Variants in SSPN observed in about 807,000 individuals in gnomAD.
SSPN encodes the protein K-ras oncogene-associated protein.
Under a neutral mutation model 19.1 loss-of-function variants are expected in SSPN, and 15 were observed. The observed-to-expected ratio is 0.78, with a 90% confidence interval of 0.52 to 1.21. The LOEUF is 1.21. SSPN is among the 50% of genes most tolerant of loss of function. The probability of loss-of-function intolerance (pLI) is 0.00; values close to 1 mark genes in which losing one functional copy is unlikely to be tolerated. For missense variants in SSPN, 291 were observed against 314.0 expected, an observed-to-expected ratio of 0.93 and a Z score of 0.55; for synonymous variants, 147 against 140.3, an observed-to-expected ratio of 1.05 and a Z score of -0.34.
rs59727119 is a variant in SSPN at position 26,201,046 on chromosome 12, T to TAAAA, written c.279+5095_279+5096insAAAA. Among the ~76,000 whole-genome samples the TAAAA allele has an allele frequency of 5.2e-3, 400 of 77,186 alleles. 4 individuals are homozygous for TAAAA. The highest frequency in any genetic ancestry group is 0.025 in the Middle Eastern group (3 of 120). 50.6% of individuals were successfully genotyped at this position (77,186 alleles called of 152,430 possible). On this transcript the variant is annotated intron_variant, in intron 1 of 2. Coordinates refer to ENST00000242729, the MANE Select transcript of SSPN (RefSeq NM_005086.5). Reference sequence around the variant, plus strand: ...ATATATATATATATATATATATATATTATATATATATATTTGGAAATAAAA... The same window carrying TAAAA: ...ATATATATATATATATATATATATATAAAATATATATATATATTTGGAAATAAAA...
chr12:26,135,268 G>A (rs933377308), intron 1 of SSPN, among the ~76,000 whole-genome samples: 1 of 152,110 alleles, frequency 6.6e-6, no homozygotes, highest in African/African-American at 2.4e-5. Context: ...GATCACAGGA[G>A]GGGGTCCTGG....
chr12:26,206,045 AAG>A (rs764818975), intron 1 of SSPN, among the ~76,000 whole-genome samples: 1 of 152,186 alleles, frequency 6.6e-6, no homozygotes, highest in African/African-American at 2.4e-5. Flanking sequence ...ACCCTCAAGA[AAG>A]AATTCTTCTT....
intron 1 of SSPN, among the ~76,000 whole-genome samples, chr12:26,219,177 A>T (rs1219190971): frequency 6.6e-6 from 1 of 152,230 alleles, no homozygotes; most frequent in East Asian, 1.9e-4. Flanking sequence ...TGACAACAAA[A>T]AGAAGAAAAC....
At position 26,230,793 on chromosome 12, in the gene SSPN, TCA is replaced by T. The variant is rs767747829; in HGVS notation, c.454_455del (p.Gln152ValfsTer4). The T allele has an allele frequency of 1.2e-6, 2 of 1,614,238 alleles. No individual in the cohort carries two copies. Among genetic ancestry groups the T allele is most frequent in the Non-Finnish European group, 8.5e-7 (1 of 1,180,038 alleles). ...TTTGCCGCCCACCACTATTCGCAGC[TCA>T]CACAGTTTACCTGTGAGACCACACT... On this transcript the variant is annotated frameshift_variant, in exon 3 of 3. Coordinates refer to ENST00000242729, the MANE Select transcript of SSPN (RefSeq NM_005086.5). LOFTEE classifies it high-confidence loss of function.
At chr12:26,146,053 T>C (rs1944488446) in intron 1 of SSPN, among the ~76,000 whole-genome samples, 2 of 152,206 alleles carry the variant, frequency 1.3e-5, no homozygotes, top group Admixed American at 6.5e-5. Context: ...TTTCCTGATG[T>C]TGGCTAAATG....
chr12:26,145,676 A>G (rs543990777), intron 1 of SSPN, among the ~76,000 whole-genome samples: 3 of 152,302 alleles, frequency 2.0e-5, no homozygotes, highest in Admixed American at 2.0e-4. Flanking sequence ...GGACATGGGC[A>G]TGCAGTTCCG....
chr12:26,174,158 T>C lies in SSPN; in HGVS notation c.-30-50135T>C, dbSNP rs182045377. Among the ~76,000 whole-genome samples the C allele has an allele frequency of 1.5e-4, 23 of 152,268 alleles. No individual in the cohort carries two copies. In the East Asian group the frequency reaches 4.1e-3, roughly 27 times the overall value. ...GTGAAAAATAAATCAGGAAACTTCT[T>C]TGCGGTAGCCATGAGAAATGTTAGG... On this transcript the variant is annotated intron_variant, in intron 1 of 2. Coordinates refer to the SSPN transcript ENST00000538142.
chr12:26,132,658 T>C (rs976966915), intron 1 of SSPN, among the ~76,000 whole-genome samples: 3 of 152,210 alleles, frequency 2.0e-5, no homozygotes, highest in Non-Finnish European at 4.4e-5. Flanking sequence ...TCCCTGATGG[T>C]GGGGATGCCT....
At chr12:26,189,145 T>C (rs1944772515) in intron 1 of SSPN, among the ~76,000 whole-genome samples, 1 of 152,308 alleles carries the variant, frequency 6.6e-6, no homozygotes, top group Admixed American at 6.5e-5. Context: ...TCATAGCCTA[T>C]AAAGATACAT....
chr12:26,181,613 C>A (rs1944719068), intron 1 of SSPN, among the ~76,000 whole-genome samples: 1 of 152,140 alleles, frequency 6.6e-6, no homozygotes, highest in South Asian at 2.1e-4. Flanking sequence ...TGAAAACAGA[C>A]ACCAATTATG....
At chr12:26,130,149 G>A (rs909037515) in intron 1 of SSPN, among the ~76,000 whole-genome samples, 1 of 152,144 alleles carries the variant, frequency 6.6e-6, no homozygotes, top group Non-Finnish European at 1.5e-5. Flanking sequence ...CCATTTCTCT[G>A]GAGTCTGGAC....
chr12:26,191,231 A>C (rs1205699296), upstream of SSPN, among the ~76,000 whole-genome samples: 4 of 152,250 alleles, frequency 2.6e-5, no homozygotes, highest in Admixed American at 2.6e-4. Flanking sequence ...TCAAAATTAC[A>C]TGTAGAAAAA....
At chr12:26,201,467 T>C (rs1317405259) in intron 1 of SSPN, among the ~76,000 whole-genome samples, 1 of 152,168 alleles carries the variant, frequency 6.6e-6, no homozygotes, top group Non-Finnish European at 1.5e-5. Context: ...AGGTTAAGAT[T>C]GAACAAAATC....
intron 2 of SSPN, among the ~76,000 whole-genome samples, chr12:26,228,431 G>A (rs1489223896): frequency 6.6e-6 from 1 of 151,922 alleles, no homozygotes; most frequent in Non-Finnish European, 1.5e-5. Context: ...AGGTAGGAAG[G>A]TTATCACAAG....
chr12:26,207,819 C>T lies in SSPN; in HGVS notation c.279+11868C>T, dbSNP rs186855343. ...AAGCCTGGGCAACATGGCAAAACCC[C>T]GTCTCTACAAAAAATACTTTTTGTA... On this transcript the variant is annotated intron_variant, in intron 1 of 2. Transcript: ENST00000242729. 6.6e-5 allele frequency among the ~76,000 whole-genome samples: 10 copies of T among 152,056 alleles called. No individual in the cohort carries two copies. The East Asian group carries it at 1.4e-3, about 21-fold the overall frequency.
chr12:26,142,241 A>G (rs1944464796), intron 1 of SSPN, among the ~76,000 whole-genome samples: 1 of 152,186 alleles, frequency 6.6e-6, no homozygotes. Context: ...GCATCGTAGA[A>G]AATGTATTCT....
chr12:26,129,133 C>G (rs2137395322), intron 1 of SSPN, among the ~76,000 whole-genome samples: 1 of 152,306 alleles, frequency 6.6e-6, no homozygotes, highest in Admixed American at 6.5e-5. Context: ...TCCAAACTAA[C>G]TGTACATCTC....
intron 1 of SSPN, among the ~76,000 whole-genome samples, chr12:26,147,563 G>A (rs771532395): frequency 6.6e-6 from 1 of 152,082 alleles, no homozygotes; most frequent in Admixed American, 6.6e-5. Context: ...GAGCCACCAC[G>A]CCCAGCCCAG....
chr12:26,145,677 T>C lies in SSPN; in HGVS notation c.-31+23525T>C, dbSNP rs117960427. On this transcript the variant is annotated intron_variant, in intron 1 of 2. Transcript: ENST00000538142. Reference sequence around the variant, plus strand: ...AGTCCTGCAGTCTTGGACATGGGCATGCAGTTCCGCTTATGAGGCAAGAAT... The same window carrying C: ...AGTCCTGCAGTCTTGGACATGGGCACGCAGTTCCGCTTATGAGGCAAGAAT... Among the ~76,000 whole-genome samples the C allele has an allele frequency of 7.9e-4, 120 of 152,308 alleles. No homozygotes were observed. In the East Asian group the frequency reaches 0.022, roughly 28 times the overall value.
Sources: allele counts gnomAD v4.1 joint callset (sites outside exome capture counted in the v4.1 genomes callset), GRCh38; gene constraint gnomAD v4.1.1; transcripts MANE v1.5; gene names NCBI Gene and HGNC (gene_info 2026-07-23, HGNC 2026-07-21).